The following ASAP1 variants were observed in gnomAD, a reference collection of about 807,000 sequenced individuals.
ASAP1 encodes the protein ArfGAP with SH3 domain, ankyrin repeat and PH domain 1.
Under a neutral mutation model 145.2 loss-of-function variants are expected in ASAP1, and 43 were observed. That is an observed-to-expected ratio of 0.30 (90% CI 0.23 to 0.38). ASAP1 has a LOEUF of 0.38. ASAP1 is among the 10% of genes least tolerant of loss of function. ASAP1 has a pLI of 1.00. For synonymous variants in ASAP1, 546 were observed against 515.5 expected (o/e 1.06, Z -0.80); for missense variants, 1,018 against 1,355.3 (o/e 0.75, Z 3.91).
At chr8:130,248,721 T>C (rs1159492513) in intron 3 of ASAP1, among the ~76,000 whole-genome samples, 3 of 152,140 alleles carry the variant, frequency 2.0e-5, no homozygotes, top group Admixed American at 1.3e-4. Context: ...AGTATTTCTG[T>C]TGTGGTTCAA....
At chr8:130,072,831 G>GCGCGCGCGCGCGCGCGCA (rs58907739) in intron 27 of ASAP1, among the ~76,000 whole-genome samples, 2 of 110,776 alleles carry the variant, frequency 1.8e-5, no homozygotes, top group Admixed American at 8.7e-5. Context: ...GTGTGCGCGC[G>GCGCGCGCGCGCGCGCGCA]GGGGGGGGCA....
At chr8:130,079,402 A>T (rs1428671958) in intron 26 of ASAP1, among the ~76,000 whole-genome samples, 1 of 152,104 alleles carries the variant, frequency 6.6e-6, no homozygotes, top group Non-Finnish European at 1.5e-5. Flanking sequence ...GGAAGAAAAG[A>T]ACACTGCTGT....
intron 4 of ASAP1, among the ~76,000 whole-genome samples, chr8:130,222,520 T>C (rs1817351497): frequency 6.6e-6 from 1 of 152,162 alleles, no homozygotes; most frequent in South Asian, 2.1e-4. Context: ...CCAAATCCTA[T>C]CCTTCTCCAC....
chr8:130,270,398 T>C (rs1049771494), intron 3 of ASAP1, among the ~76,000 whole-genome samples: 21 of 152,222 alleles, frequency 1.4e-4, no homozygotes, highest in African/African-American at 4.8e-4. Context: ...AATTCTAACA[T>C]TCTTTCTGTC....
chr8:130,086,436 C>A (rs542714144), intron 25 of ASAP1, among the ~76,000 whole-genome samples: 2 of 152,254 alleles, frequency 1.3e-5, no homozygotes, highest in African/African-American at 4.8e-5. Flanking sequence ...ATATTACGTA[C>A]GTAGTTTTTT....
rs1463502723 is a variant in ASAP1, at chr8:130,440,287, A to C, written c.-28+3173T>G. Among the ~76,000 whole-genome samples, 11 of 152,184 alleles carry C rather than the reference A, an allele frequency of 7.2e-5. No individual in the cohort carries two copies. The East Asian group carries it at 1.9e-3, about 27-fold the overall frequency. On this transcript the variant is annotated intron_variant, in intron 1 of 29. Coordinates refer to ENST00000518721, the MANE Select transcript of ASAP1 (RefSeq NM_018482.4). ...TCCATCAGGCTGGCCATGGTCGCTC[A>C]CCTGAGGTCAGGAGTTTGAGACCAT... is the stretch of plus-strand genomic sequence containing the variant.
intron 1 of ASAP1, among the ~76,000 whole-genome samples, chr8:130,411,176 G>T (rs1224388014): frequency 1.3e-5 from 2 of 152,150 alleles, no homozygotes; most frequent in Non-Finnish European, 2.9e-5. Flanking sequence ...GTCTTCTTCT[G>T]AAAAATGGAG....
chr8:130,145,865 G>A (rs1174802802), intron 13 of ASAP1, among the ~76,000 whole-genome samples: 1 of 146,978 alleles, frequency 6.8e-6, no homozygotes, highest in Non-Finnish European at 1.5e-5. Flanking sequence ...TTTTTGAGAT[G>A]GGGTCTCACT....
At chr8:130,058,165 CA>C in intron 28 of ASAP1, 89 bp from the exon 29 acceptor site, 1 of 1,465,042 alleles carries the variant, frequency 6.8e-7, no homozygotes, top group South Asian at 1.2e-5. Flanking sequence ...TGACCTTGGC[CA>C]GTAACTTAAC....
chr8:130,057,725 G>C (rs1350885446), intron 29 of ASAP1, among the ~76,000 whole-genome samples: 1 of 152,234 alleles, frequency 6.6e-6, no homozygotes, highest in African/African-American at 2.4e-5. Flanking sequence ...TGGGATTACA[G>C]GCGTGAGCCA....
chr8:130,183,281 T>C (rs867678826), intron 7 of ASAP1, among the ~76,000 whole-genome samples: 21 of 151,908 alleles, frequency 1.4e-4, no homozygotes, highest in South Asian at 2.1e-4. Context: ...TTATTAGCAA[T>C]ACTGGAAAGT....
chr8:130,299,234 T>C (rs1210846987), intron 3 of ASAP1, among the ~76,000 whole-genome samples: 1 of 152,184 alleles, frequency 6.6e-6, no homozygotes, highest in East Asian at 1.9e-4. Flanking sequence ...CTGTGCCCTG[T>C]GCTTTGTGCA....
intron 9 of ASAP1, among the ~76,000 whole-genome samples, chr8:130,174,448 CCAGTAA>C (rs146875773): frequency 0.027 from 4,124 of 152,338 alleles, 79 homozygotes; most frequent in Middle Eastern, 0.044. Context: ...TCTTCAAAAA[CCAGTAA>C]CAGTAACAGT....
At chr8:130,427,278 C>T (rs540176411) in intron 1 of ASAP1, among the ~76,000 whole-genome samples, 2 of 152,258 alleles carry the variant, frequency 1.3e-5, no homozygotes, top group East Asian at 3.9e-4. Context: ...TCATGGCCTC[C>T]CAGGAGCCAC....
At chr8:130,204,688 C>G (rs945616463) in intron 5 of ASAP1, among the ~76,000 whole-genome samples, 3 of 152,154 alleles carry the variant, frequency 2.0e-5, no homozygotes, top group Admixed American at 6.5e-5. Flanking sequence ...TCTCTCTTCC[C>G]CTGTAGAGAA....
At chr8:130,214,256 T>C (rs941207577) in intron 5 of ASAP1, among the ~76,000 whole-genome samples, 3 of 152,174 alleles carry the variant, frequency 2.0e-5, no homozygotes, top group African/African-American at 7.2e-5. Flanking sequence ...GGTAGAGATG[T>C]GGAAGAGAAT....
intron 3 of ASAP1, among the ~76,000 whole-genome samples, chr8:130,339,491 AAAG>A (rs1349391114): frequency 3.9e-5 from 6 of 152,280 alleles, no homozygotes; most frequent in African/African-American, 1.2e-4. Context: ...AAGTCAGCAA[AAAG>A]AAGGAGCTAT....
chr8:130,253,280 A>C (rs1819314318), intron 3 of ASAP1, among the ~76,000 whole-genome samples: 1 of 152,240 alleles, frequency 6.6e-6, no homozygotes, highest in Admixed American at 6.5e-5. Flanking sequence ...TCTATAAAAC[A>C]GGGAAATTTA....
intron 24 of ASAP1, among the ~76,000 whole-genome samples, chr8:130,103,534 G>A (rs1193009422): frequency 2.0e-5 from 3 of 151,538 alleles, no homozygotes; most frequent in Non-Finnish European, 4.4e-5. Flanking sequence ...ATGGAGTTTC[G>A]CTCTTGTCAC....
Sources: allele counts gnomAD v4.1 joint callset (sites outside exome capture counted in the v4.1 genomes callset), GRCh38; gene constraint gnomAD v4.1.1; transcripts MANE v1.5; gene names NCBI Gene and HGNC (gene_info 2026-07-23, HGNC 2026-07-21).